Variants in GPC6 observed in about 807,000 individuals in gnomAD.
The protein encoded by GPC6 is glypican 6, also known as glypican-6.
In GPC6, 14 loss-of-function variants were observed where a neutral mutation model predicts 55.2. The ratio of observed to expected loss-of-function variants is 0.25; its 90% confidence interval spans 0.17 to 0.40. GPC6 has a LOEUF of 0.40. GPC6 is among the 10% of genes least tolerant of loss of function. The pLI, the probability that GPC6 is intolerant of heterozygous loss-of-function variation, is 1.00. For synonymous variants in GPC6, 278 were observed against 259.6 expected, an observed-to-expected ratio of 1.07 and a Z score of -0.68; for missense variants, 641 against 708.5, an observed-to-expected ratio of 0.90 and a Z score of 1.08.
chr13:93,295,109 CAAAAA>C (rs71202577), intron 1 of GPC6, among the ~76,000 whole-genome samples: 1 of 61,828 alleles, frequency 1.6e-5, no homozygotes, highest in Non-Finnish European at 3.1e-5. Context: ...TCTGTCTCTG[CAAAAA>C]AAAAAAAAAA....
chr13:93,428,344 C>G (rs966049612), intron 1 of GPC6, among the ~76,000 whole-genome samples: 10 of 152,114 alleles, frequency 6.6e-5, no homozygotes, highest in African/African-American at 2.4e-4. Flanking sequence ...GGACACATTA[C>G]AGAGAGAATG....
chr13:94,233,262 A>G (rs988467893), intron 4 of GPC6, among the ~76,000 whole-genome samples: 1 of 151,968 alleles, frequency 6.6e-6, no homozygotes, highest in Non-Finnish European at 1.5e-5. Context: ...ATGTAGATCT[A>G]AAAACAAACA....
rs192515137 is a variant in GPC6, at chr13:93,817,179, A to G, written c.320-12975A>G. On this transcript the variant is annotated intron_variant, in intron 2 of 8. Coordinates refer to ENST00000377047, the MANE Select transcript of GPC6 (RefSeq NM_005708.5). ...GCTGTGCCTCTGTTTCCCTAAATGTAAGACGTTGATGATAATAATAACTAC... is the reference window on the plus strand; with the variant it reads ...GCTGTGCCTCTGTTTCCCTAAATGTGAGACGTTGATGATAATAATAACTAC... 4.6e-3 allele frequency among the ~76,000 whole-genome samples: 704 copies of G among 152,336 alleles called. 8 individuals carry two copies. The highest frequency in any genetic ancestry group is 0.016 in the African/African-American group (675 of 41,576).
intron 6 of GPC6, among the ~76,000 whole-genome samples, chr13:94,368,434 T>G (rs1352323341): frequency 6.6e-6 from 1 of 152,090 alleles, no homozygotes; most frequent in Non-Finnish European, 1.5e-5. Flanking sequence ...TACAAGCAAT[T>G]TCTCCACCAA....
intron 5 of GPC6, among the ~76,000 whole-genome samples, chr13:94,291,314 G>T (rs1457158997): frequency 1.3e-5 from 2 of 152,166 alleles, no homozygotes; most frequent in African/African-American, 4.8e-5. Flanking sequence ...AGTGTGTCTG[G>T]TACGGCTGGT....
chr13:93,879,287 G>A (rs1874806560), intron 3 of GPC6, among the ~76,000 whole-genome samples: 1 of 152,020 alleles, frequency 6.6e-6, no homozygotes, highest in Non-Finnish European at 1.5e-5. Context: ...GAAAGCTGGA[G>A]GCATCACACT....
At chr13:93,497,647 A>G (rs1359222219) in intron 1 of GPC6, among the ~76,000 whole-genome samples, 1 of 152,238 alleles carries the variant, frequency 6.6e-6, no homozygotes, top group Non-Finnish European at 1.5e-5. Flanking sequence ...TATAGTTTGA[A>G]GCTGAAGGAC....
At chr13:93,985,338 GAGGCAGGA>G (rs1229325436) in intron 3 of GPC6, among the ~76,000 whole-genome samples, 1 of 152,058 alleles carries the variant, frequency 6.6e-6, no homozygotes, top group Non-Finnish European at 1.5e-5. Context: ...TTGAGAGGCT[GAGGCAGGA>G]AGGTTGCTTG....
At chr13:93,998,672 A>G (rs1360387108) in intron 3 of GPC6, among the ~76,000 whole-genome samples, 1 of 152,148 alleles carries the variant, frequency 6.6e-6, no homozygotes, top group Admixed American at 6.5e-5. Context: ...ACTGAGTAAA[A>G]ACTCTAACTT....
At chr13:94,327,358 T>C (rs1232257127) in intron 6 of GPC6, among the ~76,000 whole-genome samples, 1 of 152,162 alleles carries the variant, frequency 6.6e-6, no homozygotes, top group Non-Finnish European at 1.5e-5. Flanking sequence ...CTCTTCTCCC[T>C]TTTGTGGGCC....
At chr13:93,988,959 A>T (rs1396860097) in intron 3 of GPC6, among the ~76,000 whole-genome samples, 1 of 152,306 alleles carries the variant, frequency 6.6e-6, no homozygotes, top group Non-Finnish European at 1.5e-5. Flanking sequence ...AGATACATAG[A>T]TAGGTAGATC....
chr13:93,464,885 G>T (rs1304057050), intron 1 of GPC6, among the ~76,000 whole-genome samples: 1 of 152,168 alleles, frequency 6.6e-6, no homozygotes, highest in Non-Finnish European at 1.5e-5. Context: ...AGACTTGAAA[G>T]TTGAAATGAC....
At chr13:93,595,220 G>T (rs1207206816) in intron 2 of GPC6, among the ~76,000 whole-genome samples, 1 of 151,942 alleles carries the variant, frequency 6.6e-6, no homozygotes, top group Non-Finnish European at 1.5e-5. Flanking sequence ...CATTAAGTTG[G>T]ATAAGCTAAG....
At chr13:93,976,593 A>G (rs1388708288) in intron 3 of GPC6, among the ~76,000 whole-genome samples, 1 of 151,008 alleles carries the variant, frequency 6.6e-6, no homozygotes, top group Non-Finnish European at 1.5e-5. Flanking sequence ...ATCTGCAGTC[A>G]CTTGTCTGGG....
At chr13:94,021,530 A>G (rs1191102937) in intron 3 of GPC6, among the ~76,000 whole-genome samples, 1 of 152,052 alleles carries the variant, frequency 6.6e-6, no homozygotes, top group Non-Finnish European at 1.5e-5. Context: ...ATGGCTAGCC[A>G]GGTAGATAAG....
chr13:93,895,222 ATG>A (rs369480808), intron 3 of GPC6, among the ~76,000 whole-genome samples: 1 of 53,598 alleles, frequency 1.9e-5, no homozygotes, highest in African/African-American at 7.9e-5. Flanking sequence ...GTGTGTATGT[ATG>A]TGTGTGTGTG....
chr13:94,397,505 C>T (rs1272606541), intron 7 of GPC6, among the ~76,000 whole-genome samples: 5 of 152,100 alleles, frequency 3.3e-5, no homozygotes, highest in Non-Finnish European at 1.5e-5. Context: ...CTAATCGAAC[C>T]CAAGATTCTA....
chr13:93,394,967 A>G, intron 1 of GPC6: 1 of 222,972 alleles, frequency 4.5e-6, no homozygotes, highest in South Asian at 8.0e-5. Flanking sequence ...TCCACAGTAC[A>G]GAAACAGAAG....
In GPC6 at chr13:94,407,806, C is replaced by A. The variant is rs991446048; in HGVS notation, c.*4589C>A. ...TCTGAAATGTTTCCATCCTCTCAGG[C>A]ATGCTAAATATTGTATAACCTGCTA... On this transcript the variant is annotated 3_prime_UTR_variant, in exon 9 of 9. Transcript: ENST00000377047. 6.6e-6 allele frequency among the ~76,000 whole-genome samples: 1 copy of A among 152,136 alleles called. No individual in the cohort carries two copies. The highest frequency in any genetic ancestry group is 1.5e-5 in the Non-Finnish European group (1 of 67,986).
Sources: allele counts gnomAD v4.1 joint callset (sites outside exome capture counted in the v4.1 genomes callset), GRCh38; gene constraint gnomAD v4.1.1; transcripts MANE v1.5; gene names NCBI Gene and HGNC (gene_info 2026-07-23, HGNC 2026-07-21).